MAN2A1: variants seen among roughly 807,000 people sequenced by gnomAD.
MAN2A1 encodes alpha-mannosidase 2.
A neutral mutation model predicts 142.6 loss-of-function variants in MAN2A1; 76 were observed. The ratio of observed to expected loss-of-function variants is 0.53; its 90% CI spans 0.44 to 0.65. The LOEUF is 0.65. Ranked by LOEUF, MAN2A1 falls within the 30% of genes least tolerant of loss-of-function variation. MAN2A1 has a pLI of 0.00. For missense variants in MAN2A1, 1,311 were observed against 1,365.1 expected (o/e 0.96, Z 0.62); for synonymous variants, 559 against 473.2 (o/e 1.18, Z -2.35).
intron 12 of MAN2A1, 48 bp downstream of exon 12, chr5:109,789,575 G>T (rs1258127579): frequency 2.2e-6 from 3 of 1,343,412 alleles, no homozygotes; most frequent in Non-Finnish European, 3.0e-6. Flanking sequence ...TGGCTTAATA[G>T]TTTTTGGTTT....
At chr5:109,777,533 T>C (rs1753328379) in intron 8 of MAN2A1, among the ~76,000 whole-genome samples, 1 of 152,100 alleles carries the variant, frequency 6.6e-6, no homozygotes, top group Admixed American at 6.5e-5. Flanking sequence ...CACTTTCTCA[T>C]GCTGTCTTTT....
chr5:109,724,217 T>C (rs1751682609), intron 3 of MAN2A1, among the ~76,000 whole-genome samples: 1 of 152,170 alleles, frequency 6.6e-6, no homozygotes, highest in Non-Finnish European at 1.5e-5. Context: ...CGTCATTTTT[T>C]CATAGAAAAT....
chr5:109,781,372 T>A, intron 8 of MAN2A1, 24 bp from the exon 9 acceptor site: 1 of 1,398,046 alleles, frequency 7.2e-7, no homozygotes. Flanking sequence ...AATGAATAAT[T>A]GAAGTGCATT....
intron 2 of MAN2A1, among the ~76,000 whole-genome samples, 194 bp from the exon 3 acceptor site, chr5:109,715,926 T>C (rs1582817509): frequency 6.6e-6 from 1 of 152,136 alleles, no homozygotes; most frequent in Non-Finnish European, 1.5e-5. Context: ...GGTAGTTTTG[T>C]AGCACAAATA....
At chr5:109,821,883 T>C (rs1386501630) in intron 15 of MAN2A1, among the ~76,000 whole-genome samples, 1 of 152,024 alleles carries the variant, frequency 6.6e-6, no homozygotes, top group Non-Finnish European at 1.5e-5. Flanking sequence ...TTTATAGTGG[T>C]TTTAAATTTT....
chr5:109,734,837 T>C (rs1031127635), intron 4 of MAN2A1, among the ~76,000 whole-genome samples: 1 of 152,162 alleles, frequency 6.6e-6, no homozygotes, highest in African/African-American at 2.4e-5. Context: ...CTGAAAAAAA[T>C]GTATATTCTG....
rs988979290 is a variant in MAN2A1 at position 109,830,618 on chromosome 5, C to G, written c.2566+6781C>G. On this transcript the variant is annotated intron_variant, in intron 16 of 21. Coordinates refer to ENST00000261483, the MANE Select transcript of MAN2A1 (RefSeq NM_002372.4). ...TGAAGACATTAAGATGGTTTGCAAT[C>G]AATCTCTCATTTTTTTCCATAGCTA... is the stretch of plus-strand genomic sequence containing the variant. 2.6e-5 allele frequency among the ~76,000 whole-genome samples: 4 copies of G among 152,138 alleles called. No individual in the cohort carries two copies. In the East Asian group the frequency reaches 7.7e-4, roughly 29 times the overall value.
At chr5:109,697,415 G>T (rs560051419) in intron 1 of MAN2A1, among the ~76,000 whole-genome samples, 3 of 152,248 alleles carry the variant, frequency 2.0e-5, no homozygotes, top group South Asian at 2.1e-4. Context: ...GGAGGTGGGA[G>T]GTTAGGGAAA....
chr5:109,833,014 G>A (rs1162062357), intron 16 of MAN2A1, among the ~76,000 whole-genome samples: 2 of 150,616 alleles, frequency 1.3e-5, no homozygotes, highest in East Asian at 2.0e-4. Flanking sequence ...GGGCAGAGGC[G>A]CTCCTCACAT....
chr5:109,865,877 T>A (rs907757933), intron 21 of MAN2A1, among the ~76,000 whole-genome samples: 5 of 152,162 alleles, frequency 3.3e-5, no homozygotes, highest in Admixed American at 1.3e-4. Flanking sequence ...GGGCCATGAC[T>A]CAGAGAAGGC....
At chr5:109,852,047 AT>A (rs1397384621) in intron 19 of MAN2A1, among the ~76,000 whole-genome samples, 15 of 151,250 alleles carry the variant, frequency 9.9e-5, no homozygotes, top group Non-Finnish European at 1.3e-4. Context: ...GGTGACACAG[AT>A]TTCCAGTTTC....
chr5:109,825,856 C>T (rs544847511), intron 16 of MAN2A1, among the ~76,000 whole-genome samples: 69 of 144,270 alleles, frequency 4.8e-4, no homozygotes, highest in Middle Eastern at 7.5e-3. Context: ...GCCTCTGCCT[C>T]TTTTCTCTTT....
chr5:109,726,858 C>A (rs1397468495), intron 3 of MAN2A1, among the ~76,000 whole-genome samples: 1 of 151,966 alleles, frequency 6.6e-6, no homozygotes, highest in East Asian at 1.9e-4. Context: ...TAGCTAGTAG[C>A]CAGATAATTA....
chr5:109,755,909 C>G lies in MAN2A1; in HGVS notation c.835+453C>G, dbSNP rs540024301. Among the ~76,000 whole-genome samples the G allele has an allele frequency of 2.0e-5, 3 of 152,106 alleles. No homozygotes were observed. In the South Asian group the frequency reaches 6.2e-4, roughly 32 times the overall value. ...TGTCTGGGCACTGTATCTTTGGGCT[C>G]TGCTTGTTTTGCTGGGTTTCTTCAC... is the stretch of plus-strand genomic sequence containing the variant. On this transcript the variant is annotated intron_variant, in intron 5 of 21. Transcript: ENST00000261483.
At position 109,723,139 on chromosome 5, in the gene MAN2A1, C is replaced by T. The variant is rs1434324272; in HGVS notation, c.536-6203C>T. On this transcript the variant is annotated intron_variant, in intron 3 of 21. Transcript: ENST00000261483. ...GTATAGGGCTGCAGGATGAACAAAA[C>T]GCCTGCTGTCCTAACAATAATGCAA... is the stretch of plus-strand genomic sequence containing the variant. 2.0e-5 allele frequency among the ~76,000 whole-genome samples: 3 copies of T among 152,234 alleles called. No homozygotes were observed. The South Asian group carries it at 6.2e-4, about 32-fold the overall frequency.
intron 16 of MAN2A1, among the ~76,000 whole-genome samples, chr5:109,836,643 CTGACGG>C (rs1755064214): frequency 6.6e-6 from 1 of 152,198 alleles, no homozygotes; most frequent in South Asian, 2.1e-4. Context: ...GCTCAGCCTC[CTGACGG>C]TGACCTACTT....
chr5:109,760,652 C>A (rs1752817332), intron 5 of MAN2A1, among the ~76,000 whole-genome samples: 2 of 152,160 alleles, frequency 1.3e-5, no homozygotes, highest in Admixed American at 1.3e-4. Flanking sequence ...TGTTTCCTCA[C>A]TTTTTAATGA....
chr5:109,835,774 A>G lies in MAN2A1; in HGVS notation c.2567-6554A>G, dbSNP rs187380908. Among the ~76,000 whole-genome samples, 100 of 152,322 alleles carry G rather than the reference A, an allele frequency of 6.6e-4. 1 individual carries two copies. Among genetic ancestry groups the G allele is most frequent in the African/African-American group, 2.2e-3 (92 of 41,564 alleles). Reference sequence around the variant, plus strand: ...TTATGAGTATATTCCTTGGAAAAGTATACTTTGCATTTCAAAATAGCTAGA... The same window carrying G: ...TTATGAGTATATTCCTTGGAAAAGTGTACTTTGCATTTCAAAATAGCTAGA... On this transcript the variant is annotated intron_variant, in intron 16 of 21. Coordinates refer to ENST00000261483, the MANE Select transcript of MAN2A1 (RefSeq NM_002372.4).
chr5:109,814,205 CT>C (rs1754393729), intron 12 of MAN2A1, among the ~76,000 whole-genome samples: 1 of 152,052 alleles, frequency 6.6e-6, no homozygotes, highest in South Asian at 2.1e-4. Flanking sequence ...AAACATAATT[CT>C]TTTGTTAATG....
Sources: allele counts gnomAD v4.1 joint callset (sites outside exome capture counted in the v4.1 genomes callset), GRCh38; gene constraint gnomAD v4.1.1; transcripts MANE v1.5; gene names NCBI Gene and HGNC (gene_info 2026-07-23, HGNC 2026-07-21).